CD2: variants seen among roughly 807,000 people sequenced by gnomAD.
The protein encoded by CD2 is CD2 molecule.
CD2 carries 18 observed loss-of-function variants against 23.2 expected under a neutral mutation model. The observed-to-expected ratio is 0.77, with a 90% confidence interval of 0.54 to 1.15. CD2 has a LOEUF of 1.15. Ranked by LOEUF, CD2 falls within the 50% of genes most tolerant of loss-of-function variation. The pLI is 0.00. For missense variants in CD2, 424 were observed against 423.1 expected, an observed-to-expected ratio of 1.00 and a Z score of -0.02; for synonymous variants, 162 against 151.9, an observed-to-expected ratio of 1.07 and a Z score of -0.49.
chr1:116,757,748 T>G (rs1214754613), intron 2 of CD2, among the ~76,000 whole-genome samples: 1 of 150,218 alleles, frequency 6.7e-6, no homozygotes, highest in African/African-American at 2.4e-5. Flanking sequence ...TACATATATA[T>G]ATATAGAGAG....
rs145678592 is a variant in CD2, at chr1:116,768,614, G to T, written c.887G>T (p.Arg296Leu). 4 of 1,613,690 alleles carry T rather than the reference G, an allele frequency of 2.5e-6. No homozygotes were observed. Among genetic ancestry groups the T allele is most frequent in the Admixed American group, 3.3e-5 (2 of 59,968 alleles). ...CATCGTTCCCAGGCACCTAGTCATC[G>T]TCCCCCGCCTCCTGGACACCGTGTT... ...PGHRSQAPSHRPPPPGHRVQH... is the reference protein window; with the variant it reads ...PGHRSQAPSHLPPPPGHRVQH... The change falls in exon 5 of 5, where the codon CGT becomes CTT. Residue 296 changes from arginine to leucine, a missense_variant. Coordinates refer to ENST00000369478, the MANE Select transcript of CD2 (RefSeq NM_001767.5).
At chr1:116,763,423 G>A (rs924351501) in intron 3 of CD2, among the ~76,000 whole-genome samples, 5 of 152,058 alleles carry the variant, frequency 3.3e-5, no homozygotes, top group African/African-American at 9.7e-5. Flanking sequence ...AGATGACCCC[G>A]TCCCCTGACC....
chr1:116,760,670 A>G, intron 3 of CD2, 38 bp downstream of exon 3: 2 of 1,520,696 alleles, frequency 1.3e-6, no homozygotes, highest in Non-Finnish European at 1.8e-6. Flanking sequence ...ACAGCCTGCC[A>G]GGCCCTCAGT....
intron 4 of CD2, 142 bp downstream of exon 4, chr1:116,764,748 G>A: frequency 1.5e-6 from 1 of 662,938 alleles, no homozygotes. Context: ...AGCGGTTATA[G>A]CTTGTTTCAT....
rs1202261265 is a variant in CD2 at position 116,768,907 on chromosome 1, G to A, written c.*124G>A. 1.3e-5 allele frequency: 12 copies of A among 942,358 alleles called. No homozygotes were observed. Among genetic ancestry groups the A allele is most frequent in the Non-Finnish European group, 1.9e-5 (12 of 634,288 alleles). The allele number at this position is 942,358 out of a possible 1,614,324, so 58.4% of individuals were successfully genotyped here. ...ACATTGTCACCTCCTGAGGCTGTGG[G>A]CCACAGCCACCTCTGCATCTTCGAA... On this transcript the variant is annotated 3_prime_UTR_variant, in exon 5 of 5. Transcript: ENST00000369478.
At chr1:116,758,772 G>A (rs971662457) in intron 2 of CD2, among the ~76,000 whole-genome samples, 1 of 152,038 alleles carries the variant, frequency 6.6e-6, no homozygotes, top group Admixed American at 6.5e-5. Context: ...TCAAGTGCTT[G>A]CTTACATGAT....
Position 116,768,659 on chromosome 1 carries a change from G to A in CD2, c.932G>A (p.Arg311Lys). ...CGTGTTCAGCACCAGCCTCAGAAGA[G>A]GCCTCCTGCTCCGTCGGGCACACAA... ...GHRVQHQPQK[R>K]PPAPSGTQVH... The change falls in exon 5 of 5, where the codon AGG becomes AAG. Residue 311 changes from arginine (R) to lysine (K), a missense_variant. By Grantham distance (26) the Arg-to-Lys change is conservative. Transcript: ENST00000369478. 1 of 1,614,100 alleles carries A rather than the reference G, an allele frequency of 6.2e-7. No homozygotes were observed. Among genetic ancestry groups the A allele is most frequent in the South Asian group, 1.1e-5 (1 of 91,072 alleles).
At position 116,768,587 on chromosome 1, in the gene CD2, G is replaced by T. The variant is rs773596778; in HGVS notation, c.860G>T (p.Gly287Val). 6.2e-7 allele frequency: 1 copy of T among 1,613,972 alleles called. No homozygotes were observed. Among genetic ancestry groups the T allele is most frequent in the East Asian group, 2.2e-5 (1 of 44,872 alleles). Reference protein sequence around the residue: ...ATSQHPPPPPGHRSQAPSHRP... With the variant: ...ATSQHPPPPPVHRSQAPSHRP... ...TCCCAACATCCTCCTCCACCACCTG[G>T]TCATCGTTCCCAGGCACCTAGTCAT... Residue 287 changes from glycine (G) to valine (V), a missense_variant, in exon 5 of 5, where the codon GGT (glycine) becomes GTT (valine). Physicochemically the swap from Gly to Val is moderately radical, Grantham distance 109. Transcript: ENST00000369478.
Position 116,764,613 on chromosome 1 carries a change from TC to T in CD2, c.736+12del. 1 of 1,611,998 alleles carries T rather than the reference TC, an allele frequency of 6.2e-7. No individual in the cohort carries two copies. The highest frequency in any genetic ancestry group is 8.5e-7 in the Non-Finnish European group (1 of 1,178,444). ...CAGAGGAGTCGGAGAAATGGTAAGC[TC>T]CCCCTCTTTTGTCCCACCGCAGGCC... On this transcript the variant is annotated splice_region_variant and intron_variant, in intron 4 of 4. Transcript: ENST00000369478.
At position 116,754,866 on chromosome 1, in the gene CD2, C is replaced by A; in HGVS notation, c.297C>A (p.Thr99=). 6.2e-7 allele frequency: 1 copy of A among 1,611,846 alleles called. No individual in the cohort carries two copies. Among genetic ancestry groups the A allele is most frequent in the South Asian group, 1.1e-5 (1 of 90,980 alleles). The part of the protein sequence containing the change: ...NGTLKIKHLK[T]DDQDIYKVSI... ...CTCTGAAAATTAAGCATCTGAAGAC[C>A]GATGATCAGGATATCTACAAGGTAT... The change falls in exon 2 of 5, where the codon ACC becomes ACA. Residue 99 remains threonine (T), a synonymous_variant. Coordinates refer to ENST00000369478, the MANE Select transcript of CD2 (RefSeq NM_001767.5).
chr1:116,760,308 C>T, intron 2 of CD2, 94 bp from the exon 3 acceptor site: 3 of 879,788 alleles, frequency 3.4e-6, no homozygotes, highest in Non-Finnish European at 5.4e-6. Flanking sequence ...GTTCCCTTGT[C>T]CCTAACTGAC....
chr1:116,766,784 G>C (rs780329014), intron 4 of CD2, among the ~76,000 whole-genome samples: 2 of 151,916 alleles, frequency 1.3e-5, no homozygotes, highest in Non-Finnish European at 2.9e-5. Flanking sequence ...AATCATTTCA[G>C]CCCGGGAGAT....
chr1:116,764,397 T>C (rs1652147631), intron 3 of CD2, 87 bp from the exon 4 acceptor site: 2 of 1,541,908 alleles, frequency 1.3e-6, no homozygotes, highest in South Asian at 1.3e-5. Flanking sequence ...TTCTATCTGC[T>C]TGATGCAGGA....
At position 116,757,795 on chromosome 1, in the gene CD2, G is replaced by A. The variant is rs1033181720; in HGVS notation, c.383-2607G>A. On this transcript the variant is annotated intron_variant, in intron 2 of 4. Coordinates refer to ENST00000369478, the MANE Select transcript of CD2 (RefSeq NM_001767.5). ...GAGAGAGGCAGACAGAAAGAGACAG[G>A]GTCTCACTCTGTCGTCCAGCCTGGA... is the stretch of plus-strand genomic sequence containing the variant. Among the ~76,000 whole-genome samples the A allele has an allele frequency of 6.7e-5, 10 of 149,868 alleles. No individual in the cohort carries two copies. The South Asian group carries it at 2.1e-3, about 32-fold the overall frequency.
In CD2 at chr1:116,764,549, G is replaced by C; in HGVS notation, c.679G>C (p.Val227Leu). Residue 227 changes from valine (V) to leucine (L), a missense_variant, in exon 4 of 5, where the codon GTG (valine) becomes CTG (leucine). By Grantham distance (32) the Val-to-Leu change is conservative (BLOSUM62 1). Transcript: ENST00000369478. ...AGGAGGCAGCCTCTTGATGGTCTTTGTGGCACTGCTCGTTTTCTATATCAC... is the reference window on the plus strand; with the variant it reads ...AGGAGGCAGCCTCTTGATGGTCTTTCTGGCACTGCTCGTTTTCTATATCAC... The part of the protein sequence containing the change: ...CGGGSLLMVF[V>L]ALLVFYITKR... The C allele has an allele frequency of 6.2e-7, 1 of 1,614,020 alleles. No homozygotes were observed. Among genetic ancestry groups the C allele is most frequent in the Non-Finnish European group, 8.5e-7 (1 of 1,180,004 alleles).
rs774420483 is a variant in CD2 at position 116,768,746 on chromosome 1, G to A, written c.1019G>A (p.Gly340Glu). The part of the protein sequence containing the change: ...RPRVQPKPPH[G>E]AAENSLSPSS... ...CGAGTTCAGCCAAAACCTCCCCATG[G>A]GGCAGCAGAAAACTCATTGTCCCCT... Residue 340 changes from glycine to glutamate, a missense_variant, in exon 5 of 5, where the codon GGG becomes GAG. Gly to Glu is a moderately conservative substitution (Grantham distance 98, BLOSUM62 -2). Transcript: ENST00000369478. The A allele has an allele frequency of 1.9e-6, 3 of 1,613,730 alleles. No individual in the cohort carries two copies. The highest frequency in any genetic ancestry group is 1.1e-5 in the South Asian group (1 of 91,008).
chr1:116,756,358 G>A lies in CD2; in HGVS notation c.382+1407G>A, dbSNP rs562116686. ...TTTGGGTCGCATTTAGCATTGCGGC[G>A]GAAATAATGGCTACCAGTTAGGGGT... On this transcript the variant is annotated intron_variant, in intron 2 of 4. Transcript: ENST00000369478. Among the ~76,000 whole-genome samples, 9 of 152,222 alleles carry A rather than the reference G, an allele frequency of 5.9e-5. No individual in the cohort carries two copies. The East Asian group carries it at 7.7e-4, about 13-fold the overall frequency.
At chr1:116,756,564 C>T (rs372912204) in intron 2 of CD2, among the ~76,000 whole-genome samples, 29 of 152,066 alleles carry the variant, frequency 1.9e-4, no homozygotes, top group Middle Eastern at 3.4e-3. Context: ...GCAAGAATGA[C>T]GACCTTTTCT....
rs905575516 is a variant in CD2 at position 116,756,192 on chromosome 1, TG to T, written c.382+1245del. On this transcript the variant is annotated intron_variant, in intron 2 of 4. Coordinates refer to ENST00000369478, the MANE Select transcript of CD2 (RefSeq NM_001767.5). ...TGGAGAGCACCTTGTAGAAATGTAG[TG>T]GGGTTGAGCATGGCGCTGAAAAGGG... Among the ~76,000 whole-genome samples, 32 of 152,070 alleles carry T rather than the reference TG, an allele frequency of 2.1e-4. No homozygotes were observed. In the East Asian group the frequency reaches 4.7e-3, roughly 22 times the overall value.
Sources: gnomAD v4.1 joint callset for allele counts (sites outside exome capture counted in the v4.1 genomes callset) on GRCh38, gnomAD v4.1.1 for gene constraint, MANE v1.5 for transcripts, NCBI Gene and HGNC (gene_info 2026-07-23, HGNC 2026-07-21) for gene names.